Variants in SSH2 observed in about 807,000 individuals in gnomAD.
The protein encoded by SSH2 is protein phosphatase Slingshot homolog 2.
SSH2 carries 37 observed loss-of-function variants against 135.2 expected under a neutral mutation model. The ratio of observed to expected loss-of-function variants is 0.27; its 90% CI spans 0.21 to 0.36. The LOEUF is 0.36. Among genes scored for constraint, SSH2 ranks in the 10% least tolerant of loss-of-function variants. The pLI is 1.00. For missense variants in SSH2, 1,408 were observed against 1,765.3 expected, an observed-to-expected ratio of 0.80 and a Z score of 3.63; for synonymous variants, 628 against 646.2, an observed-to-expected ratio of 0.97 and a Z score of 0.43.
chr17:29,829,478 G>GT (rs946708953), intron 2 of SSH2, among the ~76,000 whole-genome samples: 1 of 152,078 alleles, frequency 6.6e-6, no homozygotes, highest in Non-Finnish European at 1.5e-5. Context: ...GTGTGTGTGT[G>GT]TGTGTGTCTG....
At chr17:29,761,208 C>G (rs758134583) in intron 3 of SSH2, 1 of 1,288,882 alleles carries the variant, frequency 7.8e-7, no homozygotes, top group African/African-American at 1.5e-5. Flanking sequence ...GGAATCATGT[C>G]GGGGCCACCG....
At chr17:29,917,948 G>C (rs550225356) in intron 1 of SSH2, among the ~76,000 whole-genome samples, 1 of 152,236 alleles carries the variant, frequency 6.6e-6, no homozygotes, top group South Asian at 2.1e-4. Flanking sequence ...GGGAGGCTGA[G>C]GTGGGAGGAC....
chr17:29,856,041 A>G (rs10445400), intron 1 of SSH2: 180,541 of 374,008 alleles, frequency 0.48, 47,321 homozygotes, highest in East Asian at 0.82. Context: ...GTCTGTGCAT[A>G]CTCCTTTCCC....
chr17:29,763,265 CAAGTG>C (rs1448554152), intron 3 of SSH2, among the ~76,000 whole-genome samples: 1 of 152,066 alleles, frequency 6.6e-6, no homozygotes, highest in African/African-American at 2.4e-5. Context: ...CACCAGGTGG[CAAGTG>C]AAGAGTTAAC....
In SSH2 at chr17:29,632,560, C is replaced by T; in HGVS notation, c.2634G>A (p.Gln878=). The T allele has an allele frequency of 6.2e-7, 1 of 1,614,232 alleles. No homozygotes were observed. The highest frequency in any genetic ancestry group is 1.1e-5 in the South Asian group (1 of 91,088). The change falls in exon 16 of 16, where the codon CAG becomes CAA. Residue 878 remains glutamine (Q), a synonymous_variant. Coordinates refer to ENST00000540801, the MANE Select transcript of SSH2 (RefSeq NM_001282129.2). ...GEPAEGEQEL[Q]GSGMHPGAKW... ...TGGCACCTGGGTGCATCCCTGAGCC[C>T]TGGAGCTCTTGTTCCCCCTCAGCTG...
At chr17:29,928,969 T>G (rs554824023) in intron 1 of SSH2, among the ~76,000 whole-genome samples, 1 of 151,992 alleles carries the variant, frequency 6.6e-6, no homozygotes, top group African/African-American at 2.4e-5. Flanking sequence ...TTTATTTCTC[T>G]CTAAAACATC....
chr17:29,808,290 G>A (rs1419732329), intron 2 of SSH2, among the ~76,000 whole-genome samples: 1 of 152,120 alleles, frequency 6.6e-6, no homozygotes, highest in Non-Finnish European at 1.5e-5. Flanking sequence ...CATCACGCCT[G>A]GCTAATTTTT....
intron 1 of SSH2, among the ~76,000 whole-genome samples, chr17:29,879,113 A>G (rs954336255): frequency 1.3e-5 from 2 of 152,206 alleles, no homozygotes; most frequent in African/African-American, 4.8e-5. Context: ...TCCATGGTAA[A>G]AAGTCCAAGA....
chr17:29,677,599 C>A, intron 7 of SSH2, 74 bp downstream of exon 7: 1 of 1,269,932 alleles, frequency 7.9e-7, no homozygotes, highest in Non-Finnish European at 1.2e-6. Flanking sequence ...TCCCTTTTAG[C>A]TGAATGAATG....
intron 2 of SSH2, among the ~76,000 whole-genome samples, chr17:29,802,602 C>T (rs1160086607): frequency 9.1e-6 from 1 of 109,454 alleles, no homozygotes; most frequent in Non-Finnish European, 1.8e-5. Flanking sequence ...GGACACATAG[C>T]GAAACACTGT....
chr17:29,818,422 G>A (rs919293173), intron 2 of SSH2, among the ~76,000 whole-genome samples: 1 of 151,544 alleles, frequency 6.6e-6, no homozygotes, highest in Non-Finnish European at 1.5e-5. Flanking sequence ...CTAATTTTTC[G>A]TATTTTTAGT....
At chr17:29,797,510 C>T (rs904370005) in intron 2 of SSH2, among the ~76,000 whole-genome samples, 2 of 152,144 alleles carry the variant, frequency 1.3e-5, no homozygotes, top group Non-Finnish European at 2.9e-5. Context: ...TCCTTTTTAT[C>T]GCTGAGGATT....
At chr17:29,854,855 G>A (rs1012334752) in intron 1 of SSH2, among the ~76,000 whole-genome samples, 103 of 152,218 alleles carry the variant, frequency 6.8e-4, no homozygotes, top group African/African-American at 2.4e-3. Context: ...GCTGAGGCAG[G>A]GGAATCACTT....
chr17:29,804,476 C>T (rs2151317718), intron 2 of SSH2, among the ~76,000 whole-genome samples: 1 of 152,222 alleles, frequency 6.6e-6, no homozygotes, highest in South Asian at 2.1e-4. Flanking sequence ...CAGTCAATGC[C>T]CTATAGAAAA....
At chr17:29,762,755 C>T (rs1281234903) in intron 3 of SSH2, among the ~76,000 whole-genome samples, 1 of 152,182 alleles carries the variant, frequency 6.6e-6, no homozygotes, top group Admixed American at 6.5e-5. Flanking sequence ...ATGGGGCTGG[C>T]ATGGTGCAGG....
chr17:29,778,546 C>T (rs982457222), intron 3 of SSH2, among the ~76,000 whole-genome samples: 6 of 151,574 alleles, frequency 4.0e-5, no homozygotes, highest in African/African-American at 7.3e-5. Context: ...AGGCTGAGGC[C>T]GGAGAATTGC....
intron 2 of SSH2, among the ~76,000 whole-genome samples, chr17:29,842,453 CAAAA>C (rs372367860): frequency 5.1e-5 from 6 of 117,718 alleles, no homozygotes; most frequent in East Asian, 2.3e-4. Flanking sequence ...GACTCAGTGT[CAAAA>C]AAAAAAAAAA....
At chr17:29,843,120 G>C (rs1464745910) in intron 2 of SSH2, among the ~76,000 whole-genome samples, 1 of 152,336 alleles carries the variant, frequency 6.6e-6, no homozygotes, top group Admixed American at 6.5e-5. Context: ...GGACGTGCTT[G>C]CTGTAGGCTT....
chr17:29,781,523 G>C (rs559101821), intron 3 of SSH2, among the ~76,000 whole-genome samples: 1 of 129,238 alleles, frequency 7.7e-6, no homozygotes, highest in African/African-American at 2.8e-5. Flanking sequence ...TCCATTGCCC[G>C]GGCTAGAGTG....
Sources: allele counts gnomAD v4.1 joint callset (sites outside exome capture counted in the v4.1 genomes callset), GRCh38; gene constraint gnomAD v4.1.1; transcripts MANE v1.5; gene names NCBI Gene and HGNC (gene_info 2026-07-23, HGNC 2026-07-21).